Variants in ZBTB20 observed in about 807,000 individuals in gnomAD.
The protein encoded by ZBTB20 is zinc finger and BTB domain containing 20, also known as zinc finger and BTB domain-containing protein 20.
Under a neutral mutation model 56.9 loss-of-function variants are expected in ZBTB20, and 9 were observed. The observed-to-expected ratio is 0.16, with a 90% CI of 0.10 to 0.28. The LOEUF (loss-of-function observed/expected upper bound fraction) is 0.28. Ranked by LOEUF, ZBTB20 falls within the 10% of genes least tolerant of loss-of-function variation. The probability of loss-of-function intolerance (pLI) is 1.00; values close to 1 mark genes in which losing one functional copy is unlikely to be tolerated. For synonymous variants in ZBTB20, 417 were observed against 420.7 expected (o/e 0.99, Z 0.11); for missense variants, 655 against 1,003.0 (o/e 0.65, Z 4.69).
At chr3:114,656,938 G>C (rs908122402) in intron 6 of ZBTB20, among the ~76,000 whole-genome samples, 1 of 151,958 alleles carries the variant, frequency 6.6e-6, no homozygotes, top group Non-Finnish European at 1.5e-5. Flanking sequence ...CTACCGCACC[G>C]GGCCTGAAAA....
chr3:114,672,249 G>C (rs193076188), intron 6 of ZBTB20, among the ~76,000 whole-genome samples: 1 of 151,678 alleles, frequency 6.6e-6, no homozygotes, highest in Non-Finnish European at 1.5e-5. Context: ...AATAAAAAAC[G>C]TAAAACCCAT....
chr3:114,382,083 A>G (rs780011113), intron 8 of ZBTB20, among the ~76,000 whole-genome samples: 6 of 152,252 alleles, frequency 3.9e-5, no homozygotes, highest in African/African-American at 7.2e-5. Context: ...TCTAAGGTCC[A>G]TATCTCTATC....
chr3:114,577,250 A>G (rs563882537), intron 6 of ZBTB20, among the ~76,000 whole-genome samples: 1 of 152,186 alleles, frequency 6.6e-6, no homozygotes. Context: ...CTAACTATGT[A>G]CCCATATAAA....
At chr3:114,420,506 G>A (rs2089053613) in intron 7 of ZBTB20, among the ~76,000 whole-genome samples, 1 of 152,142 alleles carries the variant, frequency 6.6e-6, no homozygotes, top group Non-Finnish European at 1.5e-5. Flanking sequence ...CATACAGGAA[G>A]GAAAGGTTGA....
chr3:114,509,979 C>T (rs1038823664), intron 6 of ZBTB20, among the ~76,000 whole-genome samples: 12 of 152,248 alleles, frequency 7.9e-5, no homozygotes, highest in African/African-American at 2.9e-4. Context: ...AGTGGGAACC[C>T]TTCAGGCCAA....
intron 1 of ZBTB20, among the ~76,000 whole-genome samples, chr3:115,146,874 G>T (rs1032615413): frequency 2.0e-5 from 3 of 151,460 alleles, no homozygotes; most frequent in Non-Finnish European, 3.0e-5. Context: ...TTCCAGCTGC[G>T]GGACGTCCCG....
chr3:115,041,043 T>C (rs949053149), intron 2 of ZBTB20, among the ~76,000 whole-genome samples: 2 of 152,156 alleles, frequency 1.3e-5, no homozygotes, highest in African/African-American at 4.8e-5. Flanking sequence ...ACGCATTTTT[T>C]AAAAGAGGTA....
intron 7 of ZBTB20, among the ~76,000 whole-genome samples, chr3:114,438,027 T>C (rs2090634367): frequency 3.9e-5 from 6 of 152,128 alleles, no homozygotes; most frequent in Admixed American, 3.9e-4. Context: ...GTAGTCTCCT[T>C]AGATGCTACA....
At chr3:114,867,066 A>G (rs960325516) in intron 4 of ZBTB20, among the ~76,000 whole-genome samples, 1 of 152,190 alleles carries the variant, frequency 6.6e-6, no homozygotes, top group African/African-American at 2.4e-5. Context: ...AAGCCAACAG[A>G]AAAGGAATTA....
At chr3:114,877,814 G>T (rs1257443869) in intron 4 of ZBTB20, among the ~76,000 whole-genome samples, 1 of 151,392 alleles carries the variant, frequency 6.6e-6, no homozygotes. Context: ...TCCATCTAAT[G>T]ACTCTCTTTA....
At chr3:115,006,508 A>G (rs571825259) in intron 2 of ZBTB20, among the ~76,000 whole-genome samples, 7 of 151,482 alleles carry the variant, frequency 4.6e-5, no homozygotes, top group Non-Finnish European at 8.8e-5. Flanking sequence ...AAAGCTTGAA[A>G]TATGTGAAAT....
intron 7 of ZBTB20, among the ~76,000 whole-genome samples, chr3:114,437,416 T>G (rs977853131): frequency 6.6e-6 from 1 of 152,096 alleles, no homozygotes; most frequent in African/African-American, 2.4e-5. Flanking sequence ...AGACTATCTC[T>G]CCATCAGATC....
intron 5 of ZBTB20, among the ~76,000 whole-genome samples, chr3:114,726,737 C>G (rs745739876): frequency 3.0e-5 from 4 of 133,454 alleles, no homozygotes; most frequent in Non-Finnish European, 5.1e-5. Context: ...ATGGTGAAAC[C>G]CCGTCTCTAC....
intron 6 of ZBTB20, among the ~76,000 whole-genome samples, chr3:114,600,890 AAC>A (rs1486151462): frequency 6.6e-6 from 1 of 151,908 alleles, no homozygotes. Flanking sequence ...ACTTCATACT[AAC>A]AACCTGCTGC....
intron 1 of ZBTB20, among the ~76,000 whole-genome samples, chr3:115,130,670 G>C (rs572866856): frequency 2.0e-5 from 3 of 151,972 alleles, no homozygotes; most frequent in African/African-American, 7.2e-5. Context: ...AAATATAAAG[G>C]AAAAAAACAA....
intron 7 of ZBTB20, among the ~76,000 whole-genome samples, chr3:114,472,368 C>T (rs1476912657): frequency 1.3e-5 from 2 of 152,108 alleles, no homozygotes; most frequent in Non-Finnish European, 2.9e-5. Context: ...CTAACTGGGT[C>T]CTCCCTGGGA....
At chr3:114,957,149 A>C (rs1314657443) in intron 3 of ZBTB20, among the ~76,000 whole-genome samples, 1 of 152,164 alleles carries the variant, frequency 6.6e-6, no homozygotes, top group Non-Finnish European at 1.5e-5. Flanking sequence ...GTTATAAGGA[A>C]ACTAAATCAT....
chr3:114,656,501 A>G (rs1027077277), intron 6 of ZBTB20, among the ~76,000 whole-genome samples: 1 of 151,914 alleles, frequency 6.6e-6, no homozygotes, highest in Non-Finnish European at 1.5e-5. Flanking sequence ...ACTGGTTGAT[A>G]TTGTTGTACA....
At chr3:114,454,177 A>G (rs1460292869) in intron 7 of ZBTB20, among the ~76,000 whole-genome samples, 28 of 37,468 alleles carry the variant, frequency 7.5e-4, no homozygotes, top group African/African-American at 1.4e-3. Context: ...AAGAGAAGGG[A>G]GAGAGAGAGA....
Sources: gnomAD v4.1 joint callset for allele counts (sites outside exome capture counted in the v4.1 genomes callset) on GRCh38, gnomAD v4.1.1 for gene constraint, MANE v1.5 for transcripts, NCBI Gene and HGNC (gene_info 2026-07-23, HGNC 2026-07-21) for gene names.